Variants in MECOM observed in about 807,000 individuals in gnomAD.
MECOM encodes histone-lysine N-methyltransferase MECOM.
A neutral mutation model predicts 116.3 loss-of-function variants in MECOM; 13 were observed. The observed-to-expected ratio is 0.11, with a 90% CI of 0.07 to 0.18. The LOEUF (loss-of-function observed/expected upper bound fraction) is 0.18. Ranked by LOEUF, MECOM falls within the 10% of genes least tolerant of loss-of-function variation. MECOM has a pLI of 1.00. For synonymous variants in MECOM, 528 were observed against 535.2 expected, an observed-to-expected ratio of 0.99 and a Z score of 0.19; for missense variants, 1,299 against 1,509.0, an observed-to-expected ratio of 0.86 and a Z score of 2.31.
chr3:169,214,078 T>C (rs1027353424), intron 2 of MECOM, among the ~76,000 whole-genome samples: 1 of 152,150 alleles, frequency 6.6e-6, no homozygotes, highest in African/African-American at 2.4e-5. Flanking sequence ...AAAGCTTTCT[T>C]GAGTGTCTAC....
rs563076046 is a variant in MECOM, at chr3:169,083,583, C to G, written c.*1326G>C. Reference sequence around the variant, plus strand: ...GAAAGGCATAACAGTTTATATTGTACAAAGCATTTGAAGAAAGTACCTCAA... The same window carrying G: ...GAAAGGCATAACAGTTTATATTGTAGAAAGCATTTGAAGAAAGTACCTCAA... On this transcript the variant is annotated 3_prime_UTR_variant, in exon 17 of 17. Coordinates refer to ENST00000651503, the MANE Select transcript of MECOM (RefSeq NM_004991.4). 2 of 190,044 alleles carry G rather than the reference C, an allele frequency of 1.1e-5. No individual in the cohort carries two copies. The highest frequency in any genetic ancestry group is 2.2e-5 in the Non-Finnish European group (2 of 90,254). 11.8% of individuals were successfully genotyped at this position (190,044 alleles called of 1,614,324 possible). A position where few individuals can be genotyped will look rare whatever the true frequency, so the allele number is the denominator to read the frequency against.
At chr3:169,378,503 AAG>A (rs71965053) in intron 2 of MECOM, among the ~76,000 whole-genome samples, 3,832 of 32,750 alleles carry the variant, frequency 0.12, 532 homozygotes, top group African/African-American at 0.2. Flanking sequence ...GAAAGAAAGA[AAG>A]AAAGAAAGAA....
At position 169,461,926 on chromosome 3, in the gene MECOM, A is replaced by G. The variant is rs150070750; in HGVS notation, c.38-80402T>C. Among the ~76,000 whole-genome samples, 13 of 152,316 alleles carry G rather than the reference A, an allele frequency of 8.5e-5. No homozygotes were observed. The East Asian group carries it at 2.3e-3, about 27-fold the overall frequency. Reference sequence around the variant, plus strand: ...TAAGTTTACATTTAGTCACCAAAAAATAATAGGCTGATATTTTTGAAGAAG... The same window carrying G: ...TAAGTTTACATTTAGTCACCAAAAAGTAATAGGCTGATATTTTTGAAGAAG... On this transcript the variant is annotated intron_variant, in intron 1 of 16. Transcript: ENST00000651503.
At chr3:169,287,278 A>C (rs550713900) in intron 2 of MECOM, among the ~76,000 whole-genome samples, 19 of 152,296 alleles carry the variant, frequency 1.2e-4, no homozygotes, top group Admixed American at 5.2e-4. Context: ...TCTGCTCCCT[A>C]TCTCACCATT....
intron 11 of MECOM, 147 bp downstream of exon 11, chr3:169,101,913 A>T (rs896389693): frequency 1.6e-6 from 1 of 634,340 alleles, no homozygotes. Flanking sequence ...ATATTTCACT[A>T]AATGAAGAAC....
intron 1 of MECOM, among the ~76,000 whole-genome samples, chr3:169,573,948 A>G (rs1189739461): frequency 6.6e-6 from 1 of 152,238 alleles, no homozygotes; most frequent in East Asian, 1.9e-4. Flanking sequence ...GCATATGGCC[A>G]TTAATTTCAA....
At chr3:169,186,769 C>A in intron 2 of MECOM, among the ~76,000 whole-genome samples, 1 of 152,094 alleles carries the variant, frequency 6.6e-6, no homozygotes, top group East Asian at 1.9e-4. Context: ...TGCTCTGACT[C>A]AGCTCCTCCA....
At chr3:169,122,298 G>A (rs183356944) in intron 6 of MECOM, among the ~76,000 whole-genome samples, 1 of 152,218 alleles carries the variant, frequency 6.6e-6, no homozygotes, top group Admixed American at 6.5e-5. Context: ...CTCCACACTG[G>A]CAAATCAGTA....
At chr3:169,656,997 T>C (rs1775617947) in intron 1 of MECOM, among the ~76,000 whole-genome samples, 1 of 152,174 alleles carries the variant, frequency 6.6e-6, no homozygotes, top group Non-Finnish European at 1.5e-5. Flanking sequence ...AGATAATATC[T>C]ATATATTTAC....
chr3:169,512,115 A>G (rs1756045649), intron 1 of MECOM, among the ~76,000 whole-genome samples: 1 of 152,178 alleles, frequency 6.6e-6, no homozygotes, highest in Non-Finnish European at 1.5e-5. Flanking sequence ...GGGTCCAGTT[A>G]GTTGCAATCT....
At chr3:169,612,296 C>T (rs1406190451) in intron 1 of MECOM, among the ~76,000 whole-genome samples, 1 of 152,034 alleles carries the variant, frequency 6.6e-6, no homozygotes, top group African/African-American at 2.4e-5. Context: ...CATGGCTACC[C>T]CTTTAGATGT....
intron 2 of MECOM, among the ~76,000 whole-genome samples, chr3:169,366,912 A>C (rs1729257764): frequency 6.6e-6 from 1 of 152,050 alleles, no homozygotes; most frequent in African/African-American, 2.4e-5. Flanking sequence ...GTACATACAC[A>C]CACATCTTCT....
At chr3:169,133,868 T>A (rs1275705062) in intron 3 of MECOM, 1 of 1,240,346 alleles carries the variant, frequency 8.1e-7, no homozygotes, top group South Asian at 1.3e-5. Flanking sequence ...GGAGTTCTAT[T>A]TCCCCTTAGA....
At chr3:169,446,514 T>A (rs956431076) in intron 1 of MECOM, among the ~76,000 whole-genome samples, 5 of 152,144 alleles carry the variant, frequency 3.3e-5, no homozygotes, top group Non-Finnish European at 5.9e-5. Context: ...AAAACCGAAC[T>A]AATACAGACA....
chr3:169,546,556 G>A (rs1760748085), intron 1 of MECOM, among the ~76,000 whole-genome samples: 1 of 152,174 alleles, frequency 6.6e-6, no homozygotes, highest in African/African-American at 2.4e-5. Flanking sequence ...GTTTGCACAT[G>A]CCCTGCCTCC....
intron 2 of MECOM, among the ~76,000 whole-genome samples, chr3:169,281,679 G>T (rs1351630583): frequency 1.3e-5 from 2 of 152,000 alleles, no homozygotes; most frequent in African/African-American, 4.8e-5. Flanking sequence ...GGGTGTGGTG[G>T]CATGTACCTG....
At chr3:169,313,365 AG>A (rs1217949291) in intron 2 of MECOM, among the ~76,000 whole-genome samples, 6 of 152,242 alleles carry the variant, frequency 3.9e-5, no homozygotes, top group African/African-American at 1.4e-4. Context: ...AGTAGGGTCT[AG>A]TGAGATTTGT....
intron 2 of MECOM, among the ~76,000 whole-genome samples, chr3:169,214,555 G>A (rs985883557): frequency 6.6e-6 from 1 of 151,698 alleles, no homozygotes; most frequent in Non-Finnish European, 1.5e-5. Flanking sequence ...AAGAGTTTTG[G>A]TTTAGACTTT....
chr3:169,559,147 A>G (rs1327990068), intron 1 of MECOM, among the ~76,000 whole-genome samples: 1 of 152,204 alleles, frequency 6.6e-6, no homozygotes, highest in Non-Finnish European at 1.5e-5. Flanking sequence ...GCCAAAAGAC[A>G]TTGTATTGTC....
Sources: gnomAD v4.1 joint callset for allele counts (sites outside exome capture counted in the v4.1 genomes callset) on GRCh38, gnomAD v4.1.1 for gene constraint, MANE v1.5 for transcripts, NCBI Gene and HGNC (gene_info 2026-07-23, HGNC 2026-07-21) for gene names.